Variants in CSMD1 observed in about 807,000 individuals in gnomAD.
CSMD1 encodes the protein CUB and sushi domain-containing protein 1.
Under a neutral mutation model 417.5 loss-of-function variants are expected in CSMD1, and 213 were observed. The ratio of observed to expected loss-of-function variants is 0.51; its 90% CI spans 0.46 to 0.57. CSMD1 has a LOEUF of 0.57. Ranked by LOEUF, CSMD1 falls within the 20% of genes least tolerant of loss-of-function variation. The pLI is 0.00. For synonymous variants in CSMD1, 2,862 were observed against 1,736.8 expected (o/e 1.65, Z -16.11); for missense variants, 6,923 against 4,529.7 (o/e 1.53, Z -15.17).
At chr8:4,421,335 T>C in intron 2 of CSMD1, among the ~76,000 whole-genome samples, 1 of 152,138 alleles carries the variant, frequency 6.6e-6, no homozygotes, top group Non-Finnish European at 1.5e-5. Flanking sequence ...ATAACAGTAT[T>C]TAATCAATAT....
chr8:4,954,083 T>G (rs747656283), intron 1 of CSMD1, among the ~76,000 whole-genome samples: 1 of 152,198 alleles, frequency 6.6e-6, no homozygotes, highest in Non-Finnish European at 1.5e-5. Flanking sequence ...ATTTCTTCCA[T>G]GTATCCTACC....
chr8:4,021,476 G>C (rs933366937), intron 4 of CSMD1, among the ~76,000 whole-genome samples: 1 of 152,168 alleles, frequency 6.6e-6, no homozygotes, highest in Non-Finnish European at 1.5e-5. Context: ...TTAAGCGTGT[G>C]GCAGTTGAAT....
At chr8:3,866,389 G>A (rs900121077) in intron 5 of CSMD1, among the ~76,000 whole-genome samples, 4 of 152,142 alleles carry the variant, frequency 2.6e-5, no homozygotes, top group Non-Finnish European at 1.5e-5. Context: ...ATTTACCATT[G>A]CTTAGCTCAT....
intron 65 of CSMD1, among the ~76,000 whole-genome samples, chr8:2,953,635 C>T (rs623729): frequency 0.066 from 10,042 of 152,096 alleles, 380 homozygotes; most frequent in Middle Eastern, 0.15. Context: ...CAGAACATGC[C>T]AGATGATTTT....
intron 2 of CSMD1, among the ~76,000 whole-genome samples, chr8:4,528,781 T>TTCTCTC (rs35818830): frequency 6.7e-6 from 1 of 149,310 alleles, no homozygotes; most frequent in African/African-American, 2.5e-5. Context: ...AGAGCTCACT[T>TTCTCTC]TCTCTCTCTC....
chr8:2,987,049 C>T (rs1805974290), intron 54 of CSMD1, among the ~76,000 whole-genome samples: 1 of 151,946 alleles, frequency 6.6e-6, no homozygotes, highest in Admixed American at 6.5e-5. Context: ...TAACTCAGCC[C>T]TAAGGCAAAG....
chr8:4,575,795 G>A (rs533730022), intron 2 of CSMD1, among the ~76,000 whole-genome samples: 115 of 152,156 alleles, frequency 7.6e-4, no homozygotes, highest in Non-Finnish European at 1.3e-3. Flanking sequence ...TCTCATCTCC[G>A]GCAATAACAA....
At chr8:4,125,869 A>G (rs375139581) in intron 3 of CSMD1, among the ~76,000 whole-genome samples, 1 of 152,138 alleles carries the variant, frequency 6.6e-6, no homozygotes, top group African/African-American at 2.4e-5. Context: ...CAAATTAGCT[A>G]CAAGTTTAGG....
chr8:3,254,058 A>G (rs995178166), intron 26 of CSMD1, among the ~76,000 whole-genome samples: 2 of 152,120 alleles, frequency 1.3e-5, no homozygotes, highest in African/African-American at 4.8e-5. Context: ...GAGCTCTTGT[A>G]GGGCAGGCCT....
intron 5 of CSMD1, among the ~76,000 whole-genome samples, chr8:3,801,515 G>T (rs1026672781): frequency 6.6e-6 from 1 of 152,132 alleles, no homozygotes; most frequent in Non-Finnish European, 1.5e-5. Context: ...CTCTCGTGTT[G>T]CTTGTCGGAA....
At chr8:3,803,897 G>T (rs189921929) in intron 5 of CSMD1, among the ~76,000 whole-genome samples, 5 of 152,232 alleles carry the variant, frequency 3.3e-5, no homozygotes, top group South Asian at 2.1e-4. Context: ...GACAATAGCA[G>T]ACAAGGAGAG....
intron 8 of CSMD1, among the ~76,000 whole-genome samples, chr8:3,603,705 T>G (rs1801471702): frequency 6.6e-6 from 1 of 152,230 alleles, no homozygotes; most frequent in African/African-American, 2.4e-5. Flanking sequence ...TTCATTATAG[T>G]TTCCAAATTT....
At chr8:3,715,559 T>C (rs1585122808) in intron 6 of CSMD1, among the ~76,000 whole-genome samples, 2 of 152,192 alleles carry the variant, frequency 1.3e-5, no homozygotes, top group African/African-American at 4.8e-5. Flanking sequence ...TTTTAGCTTT[T>C]TGAGACAGAG....
intron 5 of CSMD1, among the ~76,000 whole-genome samples, chr8:3,818,178 C>G (rs548339362): frequency 6.6e-6 from 1 of 151,998 alleles, no homozygotes; most frequent in Admixed American, 6.6e-5. Context: ...AGGATGCCAA[C>G]TGCACACTCC....
intron 8 of CSMD1, among the ~76,000 whole-genome samples, chr8:3,595,379 G>T (rs527959561): frequency 1.3e-4 from 20 of 152,296 alleles, no homozygotes; most frequent in Non-Finnish European, 2.5e-4. Context: ...CACACATAAT[G>T]TGTCTTTTCT....
At chr8:3,566,725 A>G (rs7003640) in intron 10 of CSMD1, among the ~76,000 whole-genome samples, 133,993 of 152,234 alleles carry the variant, frequency 0.88, 59,344 homozygotes, top group African/African-American at 0.92. Context: ...AAACCACAAT[A>G]AGATACCATC....
chr8:3,944,479 G>C (rs1479513025), intron 5 of CSMD1, among the ~76,000 whole-genome samples: 1 of 151,802 alleles, frequency 6.6e-6, no homozygotes, highest in East Asian at 1.9e-4. Flanking sequence ...TGAAAGTTTT[G>C]ATGTTGTCAG....
intron 1 of CSMD1, among the ~76,000 whole-genome samples, chr8:4,753,484 CTCCAT>C (rs1471103852): frequency 6.6e-6 from 1 of 151,736 alleles, no homozygotes; most frequent in Non-Finnish European, 1.5e-5. Flanking sequence ...GAATTTTCCC[CTCCAT>C]TCTTCTTTTT....
intron 8 of CSMD1, among the ~76,000 whole-genome samples, chr8:3,605,075 A>T (rs1801544123): frequency 6.6e-6 from 1 of 152,250 alleles, no homozygotes; most frequent in Non-Finnish European, 1.5e-5. Context: ...GCTTACTGCA[A>T]CCTCAGCCTC....
Sources: gnomAD v4.1 joint callset for allele counts (sites outside exome capture counted in the v4.1 genomes callset) on GRCh38, gnomAD v4.1.1 for gene constraint, MANE v1.5 for transcripts, NCBI Gene and HGNC (gene_info 2026-07-23, HGNC 2026-07-21) for gene names.